C5orf34: variants seen among roughly 807,000 people sequenced by gnomAD.
C5orf34 encodes the protein uncharacterized protein C5orf34.
C5orf34 carries 73 observed loss-of-function variants against 78.4 expected under a neutral mutation model. That is an observed-to-expected ratio of 0.93 (90% CI 0.77 to 1.13). C5orf34 has a LOEUF of 1.13. Among genes scored for constraint, C5orf34 ranks in the 50% most tolerant of loss-of-function variants. The pLI is 0.00. For synonymous variants in C5orf34, 251 were observed against 246.6 expected, an observed-to-expected ratio of 1.02 and a Z score of -0.17; for missense variants, 730 against 732.7, an observed-to-expected ratio of 1.00 and a Z score of 0.04.
rs1385213468 is a variant in C5orf34 at position 43,510,967 on chromosome 5, C to A, written c.-36-1592G>T. The A allele has an allele frequency of 1.8e-5, 4 of 220,552 alleles. No homozygotes were observed. In the Admixed American group the frequency reaches 2.3e-4, roughly 13 times the overall value. 13.7% of individuals were successfully genotyped at this position (220,552 alleles called of 1,614,324 possible). Reference sequence around the variant, plus strand: ...GTCTGGGAAGTGAAGAGCACCTCTTCCCGGCCGCCATCCCATCTAGGAAGT... The same window carrying A: ...GTCTGGGAAGTGAAGAGCACCTCTTACCGGCCGCCATCCCATCTAGGAAGT... On this transcript the variant is annotated intron_variant, in intron 1 of 12. Transcript: ENST00000306862.
rs1055614169 is a variant in C5orf34 at position 43,491,980 on chromosome 5, G to A, written c.1580+235C>T. On this transcript the variant is annotated intron_variant, in intron 10 of 12. Coordinates refer to ENST00000306862, the MANE Select transcript of C5orf34 (RefSeq NM_198566.4). ...GATCGTGCCATTGTACTCCGGCCCA[G>A]GCCACAGGAGCAAAACTCTGTCTCA... Among the ~76,000 whole-genome samples the A allele has an allele frequency of 2.1e-5, 3 of 142,792 alleles. No homozygotes were observed. The South Asian group carries it at 6.5e-4, about 31-fold the overall frequency. 93.7% of individuals were successfully genotyped at this position (142,792 alleles called of 152,430 possible).
At position 43,503,660 on chromosome 5, in the gene C5orf34, C is replaced by T. The variant is rs779224492; in HGVS notation, c.1028+5G>A. ...CCAACATAGAAGCCAACATAGGTGC[C>T]TTACCTATATGTAACACCTTTGTAC... is the stretch of plus-strand genomic sequence containing the variant. On this transcript the variant is annotated splice_donor_5th_base_variant and intron_variant, in intron 5 of 12. Coordinates refer to ENST00000306862, the MANE Select transcript of C5orf34 (RefSeq NM_198566.4). The T allele has an allele frequency of 9.5e-6, 15 of 1,579,256 alleles. No individual in the cohort carries two copies. The highest frequency in any genetic ancestry group is 4.0e-5 in the African/African-American group (3 of 74,206).
chr5:43,496,582 ATTTTTTT>A (rs70994702), intron 6 of C5orf34: 4,437 of 426,184 alleles, frequency 0.01, 9 homozygotes, highest in African/African-American at 0.019. Flanking sequence ...GTTTTTTTTA[ATTTTTTT>A]TTTTTTTTTT....
chr5:43,492,931 C>T, intron 8 of C5orf34, 41 bp from the exon 9 acceptor site: 1 of 1,395,402 alleles, frequency 7.2e-7, no homozygotes, highest in Non-Finnish European at 9.8e-7. Flanking sequence ...ATAGAGTTAT[C>T]TAAGAACAAG....
chr5:43,496,185 A>C (rs1217810806), intron 6 of C5orf34: 16 of 1,548,812 alleles, frequency 1.0e-5, no homozygotes, highest in Non-Finnish European at 1.3e-5. Context: ...CTGGGGCATC[A>C]ATGATAGTCA....
chr5:43,506,309 T>C lies in C5orf34; in HGVS notation c.371A>G (p.Lys124Arg), dbSNP rs1351033598. Residue 124 changes from lysine (K) to arginine (R), a missense_variant, in exon 4 of 13, where the codon AAG (lysine) becomes AGG (arginine). By Grantham distance (26) the Lys-to-Arg change is conservative (BLOSUM62 2). Transcript: ENST00000306862. ...TMIYMESGIV[K>R]ITSLDGHAYL... ...TGCATGACCATCTAAAGATGTTATCTTCACAATGCCACTCTCCATATATAT... is the reference window on the plus strand; with the variant it reads ...TGCATGACCATCTAAAGATGTTATCCTCACAATGCCACTCTCCATATATAT... 2 of 1,614,020 alleles carry C rather than the reference T, an allele frequency of 1.2e-6. No homozygotes were observed. The highest frequency in any genetic ancestry group is 2.2e-5 in the South Asian group (2 of 91,084).
intron 2 of C5orf34, 93 bp from the exon 3 acceptor site, chr5:43,508,759 C>G: frequency 1.2e-6 from 1 of 822,886 alleles, no homozygotes; most frequent in South Asian, 1.6e-5. Flanking sequence ...ATACTAATTA[C>G]TTTTCATATT....
At chr5:43,509,108 A>AATTT (rs1561217257) in intron 2 of C5orf34, 37 bp downstream of exon 2, 1 of 1,570,882 alleles carries the variant, frequency 6.4e-7, no homozygotes, top group Admixed American at 1.8e-5. Flanking sequence ...CTGTCTCTAA[A>AATTT]AAACAAAAAA....
At chr5:43,495,893 G>A in intron 6 of C5orf34, 2 of 1,593,364 alleles carry the variant, frequency 1.3e-6, no homozygotes, top group Non-Finnish European at 1.7e-6. Flanking sequence ...TGGCACAAAT[G>A]CTACTGTGTC....
chr5:43,490,794 C>T lies in C5orf34; in HGVS notation c.1581-65G>A, dbSNP rs1231950855. ...CTTGAATACATTATAAAATTATAAA[C>T]AAATGTAAAAATAAGACAATTTGGG... On this transcript the variant is annotated intron_variant, in intron 10 of 12. Transcript: ENST00000306862. 3 of 771,906 alleles carry T rather than the reference C, an allele frequency of 3.9e-6. No homozygotes were observed. In the African/African-American group the frequency reaches 5.4e-5, roughly 14 times the overall value. 47.8% of individuals were successfully genotyped at this position (771,906 alleles called of 1,614,324 possible). A position where few individuals can be genotyped will look rare whatever the true frequency, so the allele number is the denominator to read the frequency against.
At chr5:43,496,464 TA>T (rs1178824537) in intron 6 of C5orf34, 29 of 1,562,974 alleles carry the variant, frequency 1.9e-5, no homozygotes, top group Non-Finnish European at 2.5e-5. Context: ...TTTTGGCTTT[TA>T]GGGGTAGTTT....
intron 1 of C5orf34, among the ~76,000 whole-genome samples, chr5:43,509,769 T>G (rs1259818053): frequency 6.6e-6 from 1 of 152,202 alleles, no homozygotes; most frequent in Admixed American, 6.5e-5. Flanking sequence ...TTTTTGTTTT[T>G]TTTTGAGATG....
intron 10 of C5orf34, among the ~76,000 whole-genome samples, chr5:43,491,282 A>C (rs1223062217): frequency 6.6e-6 from 1 of 152,240 alleles, no homozygotes; most frequent in African/African-American, 2.4e-5. Context: ...TAAAGAAACT[A>C]TCTTTTTTGA....
At chr5:43,496,753 T>C (rs920117017) in intron 6 of C5orf34, among the ~76,000 whole-genome samples, 3 of 4,670 alleles carry the variant, frequency 6.4e-4, no homozygotes, top group Admixed American at 9.3e-3. Flanking sequence ...CGGGCTAATT[T>C]TTTAAGTTTT....
rs376400389 is a variant in C5orf34, at chr5:43,490,657, C to T, written c.1653G>A (p.Ser551=). ...AATTTTCTTGGAGAACAGAAGATGA[C>T]GAATGAGTGGGCATCTCTCTGGGAC... The part of the protein sequence containing the change: ...QTSPREMPTH[S]SSSVLQENWS... The change falls in exon 11 of 13, where the codon TCG becomes TCA. Residue 551 remains serine, a synonymous_variant. Transcript: ENST00000306862. The T allele has an allele frequency of 7.6e-5, 122 of 1,609,328 alleles. No homozygotes were observed. The highest frequency in any genetic ancestry group is 3.6e-4 in the South Asian group (33 of 90,960).
intron 12 of C5orf34, among the ~76,000 whole-genome samples, 175 bp downstream of exon 12, chr5:43,487,734 A>G (rs77026722): frequency 0.017 from 2,615 of 152,270 alleles, 89 homozygotes; most frequent in African/African-American, 0.061. Context: ...TTAACATGCT[A>G]TACCTTCTAT....
At chr5:43,510,543 T>TGATTCTCCTGCCTCAGCCTGCCC (rs1746186831) in intron 1 of C5orf34, among the ~76,000 whole-genome samples, 1 of 152,208 alleles carries the variant, frequency 6.6e-6, no homozygotes, top group Non-Finnish European at 1.5e-5. Flanking sequence ...CCTCCCTGTC[T>TGATTCTCCTGCCTCAGCCTGCCC]GATTCTCCTG....
At chr5:43,514,593 C>G (rs1432239383) in intron 1 of C5orf34, among the ~76,000 whole-genome samples, 5 of 152,104 alleles carry the variant, frequency 3.3e-5, no homozygotes, top group Non-Finnish European at 7.3e-5. Context: ...AAACCATAAC[C>G]CGGCTCCAAC....
At chr5:43,488,103 T>A (rs1436657174) in intron 11 of C5orf34, 154 bp from the exon 12 acceptor site, 2 of 603,138 alleles carry the variant, frequency 3.3e-6, no homozygotes, top group Non-Finnish European at 5.8e-6. Flanking sequence ...TAGCAACAAA[T>A]CAACTTGACT....
Sources: allele counts gnomAD v4.1 joint callset (sites outside exome capture counted in the v4.1 genomes callset), GRCh38; gene constraint gnomAD v4.1.1; transcripts MANE v1.5; gene names NCBI Gene and HGNC (gene_info 2026-07-23, HGNC 2026-07-21).